The following SNTB1 variants were observed in gnomAD, a reference collection of about 807,000 sequenced individuals.
SNTB1 encodes syntrophin beta 1, also known as beta-1-syntrophin.
In SNTB1, 36 loss-of-function variants were observed where a neutral mutation model predicts 48.9. That is an observed-to-expected ratio of 0.74 (90% CI 0.56 to 0.97). SNTB1 has a LOEUF of 0.97. Ranked by LOEUF, SNTB1 falls within the 50% of genes least tolerant of loss-of-function variation. The pLI is 0.00. For synonymous variants in SNTB1, 299 were observed against 294.6 expected, an observed-to-expected ratio of 1.01 and a Z score of -0.15; for missense variants, 786 against 703.4, an observed-to-expected ratio of 1.12 and a Z score of -1.33.
chr8:120,694,852 A>G (rs1045757735), intron 1 of SNTB1, among the ~76,000 whole-genome samples: 7 of 152,220 alleles, frequency 4.6e-5, no homozygotes, highest in Non-Finnish European at 1.0e-4. Flanking sequence ...TTACTCTTTC[A>G]TATCATTTTC....
chr8:120,785,310 G>C (rs969623072), intron 1 of SNTB1, among the ~76,000 whole-genome samples: 1 of 152,190 alleles, frequency 6.6e-6, no homozygotes, highest in Non-Finnish European at 1.5e-5. Context: ...CATGATTTCT[G>C]TCTCAGTCAA....
chr8:120,705,037 T>G (rs140449369), intron 1 of SNTB1, among the ~76,000 whole-genome samples: 3 of 152,344 alleles, frequency 2.0e-5, no homozygotes, highest in African/African-American at 7.2e-5. Context: ...CTTTGCCTCC[T>G]CGATCAGCCT....
intron 3 of SNTB1, among the ~76,000 whole-genome samples, chr8:120,617,093 G>A (rs541147729): frequency 6.6e-6 from 1 of 152,324 alleles, no homozygotes; most frequent in East Asian, 1.9e-4. Context: ...AAAACATTAT[G>A]AGTTTTTTTG....
At chr8:120,667,101 T>TTC (rs1817686316) in intron 2 of SNTB1, among the ~76,000 whole-genome samples, 2 of 30,536 alleles carry the variant, frequency 6.5e-5, no homozygotes, top group Non-Finnish European at 1.7e-4. Context: ...CTCTCTCTTC[T>TTC]TTTTTTTTTT....
chr8:120,632,371 T>C, intron 3 of SNTB1, 73 bp downstream of exon 3: 1 of 1,328,762 alleles, frequency 7.5e-7, no homozygotes, highest in East Asian at 2.4e-5. Flanking sequence ...TGGGATGAGA[T>C]AGTTTTAGTG....
intron 1 of SNTB1, among the ~76,000 whole-genome samples, chr8:120,785,627 A>G (rs1424689207): frequency 7.2e-5 from 11 of 152,164 alleles, no homozygotes; most frequent in African/African-American, 2.4e-4. Flanking sequence ...CCTGGCCCCC[A>G]TGTGGCTTTG....
chr8:120,741,965 T>C (rs978064792), intron 1 of SNTB1, among the ~76,000 whole-genome samples: 1 of 152,136 alleles, frequency 6.6e-6, no homozygotes, highest in Non-Finnish European at 1.5e-5. Flanking sequence ...AGGGTCAGTA[T>C]TGAGTTAGGG....
chr8:120,779,716 G>C (rs765154806), intron 1 of SNTB1, among the ~76,000 whole-genome samples: 9 of 152,108 alleles, frequency 5.9e-5, no homozygotes, highest in African/African-American at 2.2e-4. Context: ...GAGCCGGAGC[G>C]TTAGTTTTCT....
In SNTB1 at chr8:120,588,406, A is replaced by C. The variant is rs551724218; in HGVS notation, c.997-13181T>G. On this transcript the variant is annotated intron_variant, in intron 3 of 6. Transcript: ENST00000517992. ...ACTAACCAACCAAACAAAAAAAAAA[A>C]AACAAGAATTGATTTTAGAGAAATT... 9.2e-5 allele frequency among the ~76,000 whole-genome samples: 14 copies of C among 152,310 alleles called. No individual in the cohort carries two copies. The South Asian group carries it at 2.3e-3, about 25-fold the overall frequency.
chr8:120,777,759 C>T (rs1819759901), intron 1 of SNTB1, among the ~76,000 whole-genome samples: 1 of 152,180 alleles, frequency 6.6e-6, no homozygotes, highest in Non-Finnish European at 1.5e-5. Flanking sequence ...ACTTTTAATA[C>T]AGGAAGCTGG....
chr8:120,610,816 G>T (rs117548323), intron 3 of SNTB1, among the ~76,000 whole-genome samples: 1 of 152,134 alleles, frequency 6.6e-6, no homozygotes, highest in Non-Finnish European at 1.5e-5. Flanking sequence ...CCTGGTGCCC[G>T]CTGTGATCAA....
At chr8:120,666,482 G>A (rs867022494) in intron 2 of SNTB1, among the ~76,000 whole-genome samples, 1 of 152,024 alleles carries the variant, frequency 6.6e-6, no homozygotes, top group Non-Finnish European at 1.5e-5. Context: ...TAGTTTGCAT[G>A]TGTAATGTGT....
At chr8:120,722,452 A>G (rs1818678225) in intron 1 of SNTB1, among the ~76,000 whole-genome samples, 1 of 152,134 alleles carries the variant, frequency 6.6e-6, no homozygotes, top group South Asian at 2.1e-4. Context: ...CTGGTGTGAG[A>G]TGGTATCTCA....
At chr8:120,733,745 T>C (rs1168738241) in intron 1 of SNTB1, among the ~76,000 whole-genome samples, 1 of 152,218 alleles carries the variant, frequency 6.6e-6, no homozygotes, top group Non-Finnish European at 1.5e-5. Flanking sequence ...TTTCACAACA[T>C]GTAGTGCTTA....
chr8:120,617,882 G>A (rs1006182921), intron 3 of SNTB1, among the ~76,000 whole-genome samples: 1 of 152,176 alleles, frequency 6.6e-6, no homozygotes, highest in African/African-American at 2.4e-5. Context: ...CTTTGAAGGC[G>A]ATTCCAAAGA....
rs181018454 is a variant in SNTB1 at position 120,555,450 on chromosome 8, T to C, written c.1137-6492A>G. On this transcript the variant is annotated intron_variant, in intron 4 of 6. Transcript: ENST00000517992. ...CCCTAATCTTCTTATGCAAATGGAC[T>C]TTCCAGTTGATCTGTGCCATCTTGT... Among the ~76,000 whole-genome samples the C allele has an allele frequency of 7.3e-3, 1,105 of 152,316 alleles. 3 individuals carry two copies. Among genetic ancestry groups the C allele is most frequent in the Non-Finnish European group, 0.012 (839 of 68,022 alleles).
intron 1 of SNTB1, among the ~76,000 whole-genome samples, chr8:120,718,349 C>T (rs540290560): frequency 6.6e-6 from 1 of 152,274 alleles, no homozygotes; most frequent in African/African-American, 2.4e-5. Flanking sequence ...GCTGAGCTGT[C>T]CACACATGTG....
At chr8:120,637,239 A>G (rs1817096804) in intron 2 of SNTB1, 2 of 347,386 alleles carry the variant, frequency 5.8e-6, no homozygotes, top group African/African-American at 4.4e-5. Flanking sequence ...CCATAACAAA[A>G]TAAGATGGGA....
chr8:120,743,996 G>A (rs189829932), intron 1 of SNTB1, among the ~76,000 whole-genome samples: 2 of 152,260 alleles, frequency 1.3e-5, no homozygotes, highest in Non-Finnish European at 2.9e-5. Context: ...CGGCCATGGT[G>A]GCATATGCCT....
Sources: gnomAD v4.1 joint callset for allele counts (sites outside exome capture counted in the v4.1 genomes callset) on GRCh38, gnomAD v4.1.1 for gene constraint, MANE v1.5 for transcripts, NCBI Gene and HGNC (gene_info 2026-07-23, HGNC 2026-07-21) for gene names.